NALF1: variants seen among roughly 807,000 people sequenced by gnomAD.
The protein encoded by NALF1 is NALCN channel auxiliary factor 1.
Under a neutral mutation model 48.4 loss-of-function variants are expected in NALF1, and 3 were observed. The ratio of observed to expected loss-of-function variants is 0.06; its 90% CI spans 0.03 to 0.16. NALF1 has a LOEUF of 0.16. Ranked by LOEUF, NALF1 falls within the 10% of genes least tolerant of loss-of-function variation. The pLI is 1.00. For synonymous variants in NALF1, 262 were observed against 245.7 expected, an observed-to-expected ratio of 1.07 and a Z score of -0.62; for missense variants, 526 against 571.5, an observed-to-expected ratio of 0.92 and a Z score of 0.81.
chr13:107,757,974 T>C (rs756925084), intron 1 of NALF1, among the ~76,000 whole-genome samples: 1 of 152,202 alleles, frequency 6.6e-6, no homozygotes. Context: ...CTATCAATTG[T>C]TCAGGGGCTG....
intron 1 of NALF1, among the ~76,000 whole-genome samples, chr13:107,703,618 G>T (rs1881879387): frequency 6.6e-6 from 1 of 152,046 alleles, no homozygotes; most frequent in Admixed American, 6.5e-5. Context: ...AACCCAAAGT[G>T]CATTTGCTTA....
At chr13:107,502,840 T>C (rs1038154167) in intron 1 of NALF1, among the ~76,000 whole-genome samples, 1 of 152,214 alleles carries the variant, frequency 6.6e-6, no homozygotes, top group East Asian at 1.9e-4. Context: ...ATTTATTTTT[T>C]CTTTAAAAAA....
chr13:107,831,654 T>G (rs1879734309), intron 1 of NALF1, among the ~76,000 whole-genome samples: 1 of 152,170 alleles, frequency 6.6e-6, no homozygotes, highest in African/African-American at 2.4e-5. Flanking sequence ...AGAAAGGTGA[T>G]TATATAATGA....
chr13:107,694,768 G>A (rs1881660399), intron 1 of NALF1, among the ~76,000 whole-genome samples: 1 of 151,068 alleles, frequency 6.6e-6, no homozygotes. Context: ...CAACTTCTCT[G>A]TATCTATGAC....
chr13:107,288,219 C>CT (rs375800659), intron 1 of NALF1, among the ~76,000 whole-genome samples: 47,922 of 125,072 alleles, frequency 0.38, 10,266 homozygotes, highest in South Asian at 0.61. Flanking sequence ...GATCTGAAGA[C>CT]TTTTTTTTTT....
intron 1 of NALF1, among the ~76,000 whole-genome samples, chr13:107,704,726 A>AC (rs1448440321): frequency 6.6e-6 from 1 of 151,720 alleles, no homozygotes; most frequent in African/African-American, 2.4e-5. Context: ...AGGACAGGGA[A>AC]CCCCACCTTT....
intron 1 of NALF1, among the ~76,000 whole-genome samples, chr13:107,664,784 T>C (rs542475694): frequency 2.0e-5 from 3 of 152,310 alleles, no homozygotes; most frequent in African/African-American, 4.8e-5. Flanking sequence ...TATACATTCA[T>C]CCTTTTTTAA....
intron 1 of NALF1, among the ~76,000 whole-genome samples, chr13:107,310,379 C>G (rs1466600677): frequency 6.8e-6 from 1 of 147,516 alleles, no homozygotes; most frequent in Admixed American, 6.9e-5. Flanking sequence ...CACTGCACTC[C>G]AGCCAGGGAG....
At chr13:107,442,069 A>T (rs1191576752) in intron 1 of NALF1, among the ~76,000 whole-genome samples, 2 of 152,196 alleles carry the variant, frequency 1.3e-5, no homozygotes, top group African/African-American at 4.8e-5. Context: ...CTATTTGGGG[A>T]ATATTTCTGG....
intron 1 of NALF1, among the ~76,000 whole-genome samples, chr13:107,527,824 T>G (rs2139103725): frequency 6.6e-6 from 1 of 152,234 alleles, no homozygotes; most frequent in East Asian, 1.9e-4. Context: ...GCCATGATTG[T>G]GAAGCTTCCC....
At chr13:107,642,676 T>C (rs530744609) in intron 1 of NALF1, among the ~76,000 whole-genome samples, 18 of 152,156 alleles carry the variant, frequency 1.2e-4, no homozygotes, top group Non-Finnish European at 2.6e-4. Context: ...GAGGGATACA[T>C]ACATAGGTAA....
intron 1 of NALF1, among the ~76,000 whole-genome samples, chr13:107,453,358 T>C (rs1376397245): frequency 2.0e-5 from 3 of 152,152 alleles, no homozygotes; most frequent in Non-Finnish European, 4.4e-5. Flanking sequence ...AAACCTCAAT[T>C]ATTGTCTTCT....
At chr13:107,556,330 T>C (rs187329492) in intron 1 of NALF1, among the ~76,000 whole-genome samples, 61 of 145,260 alleles carry the variant, frequency 4.2e-4, no homozygotes, top group East Asian at 2.2e-3. Flanking sequence ...TATATATATA[T>C]ACACACACAT....
intron 2 of NALF1, among the ~76,000 whole-genome samples, chr13:107,199,033 T>A (rs1017575192): frequency 6.6e-6 from 1 of 151,832 alleles, no homozygotes; most frequent in Non-Finnish European, 1.5e-5. Context: ...TTAGGGTGGG[T>A]CCTAGTTCAA....
At chr13:107,340,475 T>TTCTTTCATCTC (rs1882653981) in intron 1 of NALF1, among the ~76,000 whole-genome samples, 1 of 52,220 alleles carries the variant, frequency 1.9e-5, no homozygotes, top group Non-Finnish European at 6.8e-5. Context: ...TCTTCTCTCT[T>TTCTTTCATCTC]TCTTTCTTTC....
chr13:107,713,847 T>C (rs1415772379), intron 1 of NALF1, among the ~76,000 whole-genome samples: 3 of 152,220 alleles, frequency 2.0e-5, no homozygotes, highest in African/African-American at 7.2e-5. Flanking sequence ...AGTACAGCTC[T>C]GCATGATTAG....
At chr13:107,608,773 G>A (rs1375739024) in intron 1 of NALF1, among the ~76,000 whole-genome samples, 2 of 152,208 alleles carry the variant, frequency 1.3e-5, no homozygotes, top group African/African-American at 4.8e-5. Context: ...AGGCTACTTC[G>A]CCAGTGAAGG....
intron 1 of NALF1, among the ~76,000 whole-genome samples, chr13:107,395,092 C>T (rs1017496442): frequency 1.3e-5 from 2 of 152,134 alleles, no homozygotes; most frequent in Admixed American, 1.3e-4. Context: ...TTTTGAGGTG[C>T]TACATGAGAA....
chr13:107,268,443 C>T (rs1476603151), intron 1 of NALF1, among the ~76,000 whole-genome samples: 4 of 151,960 alleles, frequency 2.6e-5, no homozygotes, highest in African/African-American at 9.7e-5. Context: ...CACACATACT[C>T]GAGGAGTACA....
Sources: allele counts gnomAD v4.1 joint callset (sites outside exome capture counted in the v4.1 genomes callset), GRCh38; gene constraint gnomAD v4.1.1; transcripts MANE v1.5; gene names NCBI Gene and HGNC (gene_info 2026-07-23, HGNC 2026-07-21).